Variants in CXCL11 observed in about 807,000 individuals in gnomAD.
CXCL11 encodes C-X-C motif chemokine 11.
A neutral mutation model predicts 9.7 loss-of-function variants in CXCL11; 7 were observed. That is an observed-to-expected ratio of 0.72 (90% CI 0.41 to 1.36). The LOEUF is 1.36. CXCL11 is among the 40% of genes most tolerant of loss of function. CXCL11 has a pLI of 0.01. For synonymous variants in CXCL11, 35 were observed against 34.4 expected (o/e 1.02, Z -0.06); for missense variants, 107 against 113.4 (o/e 0.94, Z 0.26).
chr4:76,034,743 T>C lies in CXCL11; in HGVS notation c.*50A>G. Reference sequence around the variant, plus strand: ...TTTCAGTAGTCACAGTTAAACTTGTTCTAGGTTTTTCAGATGCTCTTTTCC... The same window carrying C: ...TTTCAGTAGTCACAGTTAAACTTGTCCTAGGTTTTTCAGATGCTCTTTTCC... On this transcript the variant is annotated 3_prime_UTR_variant, in exon 4 of 4. Transcript: ENST00000306621. 7.4e-7 allele frequency: 1 copy of C among 1,346,482 alleles called. No individual in the cohort carries two copies. Among genetic ancestry groups the C allele is most frequent in the Non-Finnish European group, 1.1e-6 (1 of 952,120 alleles). The allele number at this position is 1,346,482 out of a possible 1,614,324, so 83.4% of individuals were successfully genotyped here.
At chr4:76,035,816 T>C in intron 1 of CXCL11, 111 bp downstream of exon 1, 1 of 941,876 alleles carries the variant, frequency 1.1e-6, no homozygotes, top group Non-Finnish European at 1.6e-6. Flanking sequence ...ACTTCTAATC[T>C]GTGAGATTAA....
In CXCL11 at chr4:76,034,192, T is replaced by G. The variant is rs2149403256; in HGVS notation, c.*601A>C. 2.8e-6 allele frequency: 1 copy of G among 362,992 alleles called. No homozygotes were observed. 22.5% of individuals were successfully genotyped at this position (362,992 alleles called of 1,614,324 possible). A position where few individuals can be genotyped will look rare whatever the true frequency, so the allele number is the denominator to read the frequency against. The stretch of plus-strand genomic sequence containing the variant: ...ATAAGAATGTCTCCCTACATATTGA[T>G]GTGCTACATGATGTTTGGGGAAAGA... On this transcript the variant is annotated 3_prime_UTR_variant, in exon 4 of 4. Transcript: ENST00000306621.
Position 76,035,277 on chromosome 4 carries a change from C to A in CXCL11, c.127G>T (p.Ala43Ser), listed in dbSNP as rs2149406663. 1 of 1,614,022 alleles carries A rather than the reference C, an allele frequency of 6.2e-7. No homozygotes were observed. The highest frequency in any genetic ancestry group is 2.2e-5 in the East Asian group (1 of 44,870). Residue 43 changes from alanine to serine, a missense_variant, in exon 2 of 4, where the codon GCA becomes TCA. Transcript: ENST00000306621. The stretch of plus-strand genomic sequence containing the variant: ...ATTATGGAGGCTTTCTCAATATCTG[C>A]CACTTTCACTGCTTTTACCCCAGGG... ...IGPGVKAVKVADIEKASIMYP... is the reference protein window; with the variant it reads ...IGPGVKAVKVSDIEKASIMYP...
chr4:76,034,746 A>C lies in CXCL11; in HGVS notation c.*47T>G, dbSNP rs1303569356. On this transcript the variant is annotated 3_prime_UTR_variant, in exon 4 of 4. Coordinates refer to ENST00000306621, the MANE Select transcript of CXCL11 (RefSeq NM_005409.5). Reference sequence around the variant, plus strand: ...CAGTAGTCACAGTTAAACTTGTTCTAGGTTTTTCAGATGCTCTTTTCCAGG... The same window carrying C: ...CAGTAGTCACAGTTAAACTTGTTCTCGGTTTTTCAGATGCTCTTTTCCAGG... 1 of 1,371,442 alleles carries C rather than the reference A, an allele frequency of 7.3e-7. No individual in the cohort carries two copies. Among genetic ancestry groups the C allele is most frequent in the Non-Finnish European group, 1.0e-6 (1 of 973,848 alleles). 85.0% of individuals were successfully genotyped at this position (1,371,442 alleles called of 1,614,324 possible).
At chr4:76,035,426 G>C in intron 1 of CXCL11, 84 bp from the exon 2 acceptor site, 1 of 1,393,118 alleles carries the variant, frequency 7.2e-7, no homozygotes, top group South Asian at 1.3e-5. Context: ...AACGTGAGCA[G>C]AATTTTCATT....
intron 1 of CXCL11, 151 bp downstream of exon 1, chr4:76,035,776 G>T: frequency 1.5e-6 from 1 of 661,608 alleles, no homozygotes; most frequent in African/African-American, 1.8e-5. Context: ...TCTTAAACAT[G>T]TCCACCATTT....
chr4:76,035,886 A>G (rs888239542), intron 1 of CXCL11, 41 bp downstream of exon 1: 1 of 1,553,722 alleles, frequency 6.4e-7, no homozygotes, highest in South Asian at 1.2e-5. Flanking sequence ...GAAACATTAG[A>G]AAAGGAACTT....
intron 1 of CXCL11, 27 bp downstream of exon 1, chr4:76,035,900 G>A (rs374075849): frequency 1.9e-6 from 3 of 1,598,298 alleles, no homozygotes; most frequent in African/African-American, 1.3e-5. Flanking sequence ...GGAACTTATA[G>A]GTTGAGAAAT....
intron 3 of CXCL11, 58 bp from the exon 4 acceptor site, chr4:76,034,874 A>T: frequency 6.8e-7 from 1 of 1,473,202 alleles, no homozygotes; most frequent in Middle Eastern, 1.7e-4. Context: ...CCCCCAGGAC[A>T]TCTAAAAACA....
chr4:76,034,715 T>C lies in CXCL11; in HGVS notation c.*78A>G. On this transcript the variant is annotated 3_prime_UTR_variant, in exon 4 of 4. Coordinates refer to ENST00000306621, the MANE Select transcript of CXCL11 (RefSeq NM_005409.5). Reference sequence around the variant, plus strand: ...TCAGTTTCCTACTGTAGAATTCTTGTCATTTCAGTAGTCACAGTTAAACTT... The same window carrying C: ...TCAGTTTCCTACTGTAGAATTCTTGCCATTTCAGTAGTCACAGTTAAACTT... 3 of 1,072,202 alleles carry C rather than the reference T, an allele frequency of 2.8e-6. No individual in the cohort carries two copies. Among genetic ancestry groups the C allele is most frequent in the Non-Finnish European group, 4.2e-6 (3 of 716,966 alleles). The allele number at this position is 1,072,202 out of a possible 1,614,324, so 66.4% of individuals were successfully genotyped here. A position where few individuals can be genotyped will look rare whatever the true frequency, so the allele number is the denominator to read the frequency against.
chr4:76,034,522 A>C lies in CXCL11; in HGVS notation c.*271T>G. 1 of 522,278 alleles carries C rather than the reference A, an allele frequency of 1.9e-6. No homozygotes were observed. Among genetic ancestry groups the C allele is most frequent in the Non-Finnish European group, 3.3e-6 (1 of 302,234 alleles). The allele number at this position is 522,278 out of a possible 1,614,324, so 32.4% of individuals were successfully genotyped here. ...CTCCGATGGTAACCAGCCTTTCTTAAGGTAGCTTTTCCTAGAAATCCATTT... is the reference window on the plus strand; with the variant it reads ...CTCCGATGGTAACCAGCCTTTCTTACGGTAGCTTTTCCTAGAAATCCATTT... On this transcript the variant is annotated 3_prime_UTR_variant, in exon 4 of 4. Transcript: ENST00000306621.
intron 2 of CXCL11, 32 bp downstream of exon 2, chr4:76,035,184 C>T (rs752232746): frequency 1.2e-6 from 2 of 1,613,954 alleles, no homozygotes; most frequent in Non-Finnish European, 1.7e-6. Flanking sequence ...AAAGCCTGCA[C>T]CATTGTCATC....
At position 76,034,510 on chromosome 4, in the gene CXCL11, C is replaced by A; in HGVS notation, c.*283G>T. On this transcript the variant is annotated 3_prime_UTR_variant, in exon 4 of 4. Transcript: ENST00000306621. ...GCACTTTGTAAACTCCGATGGTAACCAGCCTTTCTTAAGGTAGCTTTTCCT... is the reference window on the plus strand; with the variant it reads ...GCACTTTGTAAACTCCGATGGTAACAAGCCTTTCTTAAGGTAGCTTTTCCT... The A allele has an allele frequency of 1.9e-6, 1 of 517,488 alleles. No individual in the cohort carries two copies. The highest frequency in any genetic ancestry group is 3.3e-6 in the Non-Finnish European group (1 of 299,712). The allele number at this position is 517,488 out of a possible 1,614,324, so 32.1% of individuals were successfully genotyped here.
Position 76,035,103 on chromosome 4 carries a change from T to G in CXCL11, c.205A>C (p.Asn69His), listed in dbSNP as rs776483654. The G allele has an allele frequency of 1.6e-5, 26 of 1,612,328 alleles. No homozygotes were observed. Among genetic ancestry groups the G allele is most frequent in the Non-Finnish European group, 2.0e-5 (24 of 1,179,688 alleles). Residue 69 changes from asparagine to histidine, a missense_variant, in exon 3 of 4, where the codon AAT becomes CAT. Coordinates refer to ENST00000306621, the MANE Select transcript of CXCL11 (RefSeq NM_005409.5). ...KIEVIITLKENKGQRCLNPKS... is the reference protein window; with the variant it reads ...KIEVIITLKEHKGQRCLNPKS... ...GGATTTAGGCATCGTTGTCCTTTAT[T>G]TTCTTTCAGGGTAATACTGTTAAAA...
rs746178066 is a variant in CXCL11 at position 76,034,776 on chromosome 4, C to T, written c.*17G>A. 1.4e-5 allele frequency: 21 copies of T among 1,509,454 alleles called. No homozygotes were observed. The highest frequency in any genetic ancestry group is 1.7e-5 in the Admixed American group (1 of 57,150). 93.5% of individuals were successfully genotyped at this position (1,509,454 alleles called of 1,614,324 possible). A position where few individuals can be genotyped will look rare whatever the true frequency, so the allele number is the denominator to read the frequency against. On this transcript the variant is annotated 3_prime_UTR_variant, in exon 4 of 4. Coordinates refer to ENST00000306621, the MANE Select transcript of CXCL11 (RefSeq NM_005409.5). ...TTTCAGATGCTCTTTTCCAGGACTT[C>T]ATATGTTTTGATATTTTTAAAAATT...
chr4:76,034,819 G>A lies in CXCL11; in HGVS notation c.262-3C>T. 6.4e-7 allele frequency: 1 copy of A among 1,553,438 alleles called. No homozygotes were observed. The highest frequency in any genetic ancestry group is 8.9e-7 in the Non-Finnish European group (1 of 1,129,536). ...TAAAAATTCTTTCTTTCAACTTTCT[G>A]GAATAAGAAAACAAGAGTTTTATTT... On this transcript the variant is annotated splice_region_variant and splice_polypyrimidine_tract_variant and intron_variant, in intron 3 of 3. Coordinates refer to ENST00000306621, the MANE Select transcript of CXCL11 (RefSeq NM_005409.5).
In CXCL11 at chr4:76,034,552, G is replaced by A. The variant is rs1349644931; in HGVS notation, c.*241C>T. Reference sequence around the variant, plus strand: ...GCTTTTCCTAGAAATCCATTTAATTGTTGGACTCCTTTGGGCAGTGGAATT... The same window carrying A: ...GCTTTTCCTAGAAATCCATTTAATTATTGGACTCCTTTGGGCAGTGGAATT... On this transcript the variant is annotated 3_prime_UTR_variant, in exon 4 of 4. Coordinates refer to ENST00000306621, the MANE Select transcript of CXCL11 (RefSeq NM_005409.5). 3 of 520,102 alleles carry A rather than the reference G, an allele frequency of 5.8e-6. No homozygotes were observed. Among genetic ancestry groups the A allele is most frequent in the Non-Finnish European group, 1.0e-5 (3 of 300,404 alleles). 32.2% of individuals were successfully genotyped at this position (520,102 alleles called of 1,614,324 possible).
At position 76,034,437 on chromosome 4, in the gene CXCL11, T is replaced by C. The variant is rs1461858706; in HGVS notation, c.*356A>G. The stretch of plus-strand genomic sequence containing the variant: ...TAAGCATCAAATCTAGAAGGTTCTC[T>C]AGCCTAGAAATGCATGAATGTATAA... On this transcript the variant is annotated 3_prime_UTR_variant, in exon 4 of 4. Transcript: ENST00000306621. 4 of 484,066 alleles carry C rather than the reference T, an allele frequency of 8.3e-6. No individual in the cohort carries two copies. The highest frequency in any genetic ancestry group is 8.1e-5 in the African/African-American group (4 of 49,260). 30.0% of individuals were successfully genotyped at this position (484,066 alleles called of 1,614,324 possible).
Position 76,034,697 on chromosome 4 carries a change from C to G in CXCL11, c.*96G>C, listed in dbSNP as rs1734185753. The G allele has an allele frequency of 1.1e-6, 1 of 946,752 alleles. No homozygotes were observed. Among genetic ancestry groups the G allele is most frequent in the Admixed American group, 2.5e-5 (1 of 40,154 alleles). The allele number at this position is 946,752 out of a possible 1,614,324, so 58.6% of individuals were successfully genotyped here. A position where few individuals can be genotyped will look rare whatever the true frequency, so the allele number is the denominator to read the frequency against. ...CAAAACCATAGAAAAGTCTCAGTTT[C>G]CTACTGTAGAATTCTTGTCATTTCA... On this transcript the variant is annotated 3_prime_UTR_variant, in exon 4 of 4. Transcript: ENST00000306621.
Sources: gnomAD v4.1 joint callset for allele counts on GRCh38, gnomAD v4.1.1 for gene constraint, MANE v1.5 for transcripts, NCBI Gene and HGNC (gene_info 2026-07-23, HGNC 2026-07-21) for gene names.